The following FAM222B variants were observed in gnomAD, a reference collection of about 807,000 sequenced individuals.
FAM222B encodes family with sequence similarity 222 member B.
A neutral mutation model predicts 38.0 loss-of-function variants in FAM222B; 12 were observed. The ratio of observed to expected loss-of-function variants is 0.32; its 90% CI spans 0.20 to 0.51. The LOEUF (loss-of-function observed/expected upper bound fraction) is 0.51. Among genes scored for constraint, FAM222B ranks in the 20% least tolerant of loss-of-function variants. The pLI is 0.97. For missense variants in FAM222B, 716 were observed against 754.2 expected, an observed-to-expected ratio of 0.95 and a Z score of 0.59; for synonymous variants, 329 against 317.2, an observed-to-expected ratio of 1.04 and a Z score of -0.40.
chr17:28,807,308 G>A (rs969174618), intron 1 of FAM222B, among the ~76,000 whole-genome samples: 5 of 151,858 alleles, frequency 3.3e-5, no homozygotes, highest in East Asian at 1.9e-4. Flanking sequence ...GAGCCACCGC[G>A]CCTGGCAAAT....
chr17:28,803,236 G>A (rs1008927591), intron 1 of FAM222B, among the ~76,000 whole-genome samples: 15 of 152,064 alleles, frequency 9.9e-5, no homozygotes, highest in Non-Finnish European at 5.9e-5. Flanking sequence ...TCGAATGCCT[G>A]ACTTCAAGTG....
rs140311854 is a variant in FAM222B at position 28,799,471 on chromosome 17, T to G, written c.-40-32764A>C. Among the ~76,000 whole-genome samples, 958 of 149,408 alleles carry G rather than the reference T, an allele frequency of 6.4e-3. 9 individuals are homozygous for G. Among genetic ancestry groups the G allele is most frequent in the African/African-American group, 0.021 (851 of 40,622 alleles). On this transcript the variant is annotated intron_variant, in intron 1 of 2. Coordinates refer to ENST00000581407, the MANE Select transcript of FAM222B (RefSeq NM_001077498.3). ...TGCCACCACGACCGGCTAATTTTTT[T>G]TTGTTGTTGTTGTATTTTTAGTAGA...
chr17:28,784,016 T>C (rs1196996325), intron 1 of FAM222B, among the ~76,000 whole-genome samples: 1 of 151,820 alleles, frequency 6.6e-6, no homozygotes, highest in Non-Finnish European at 1.5e-5. Context: ...GCCAGGCTGG[T>C]CTCGAACTCT....
Position 28,759,056 on chromosome 17 carries a change from A to C in FAM222B, c.903T>G (p.Ser301Arg). 1 of 1,612,626 alleles carries C rather than the reference A, an allele frequency of 6.2e-7. No individual in the cohort carries two copies. Among genetic ancestry groups the C allele is most frequent in the African/African-American group, 1.3e-5 (1 of 75,042 alleles). The change falls in exon 3 of 3, where the codon AGT (serine) becomes AGG (arginine). Residue 301 changes from serine (S) to arginine (R), a missense_variant. Physicochemically the swap from Ser to Arg is moderately radical, Grantham distance 110 (BLOSUM62 -1). Coordinates refer to ENST00000581407, the MANE Select transcript of FAM222B (RefSeq NM_001077498.3). The surrounding 1 kb of genome is among the most constrained non-coding windows in gnomAD (Gnocchi z 4.8). ...CCCGGGTGCTTGCATTGATGAGCAG[A>C]CTGCGACTAATGGGGCTGGGGTTGG... is the stretch of plus-strand genomic sequence containing the variant. ...QIANPSPISR[S>R]LLINASTRVS... is the part of the protein sequence containing the mutation.
chr17:28,758,548 G>A lies in FAM222B; in HGVS notation c.1411C>T (p.Leu471Phe), dbSNP rs1378678096. 1.9e-6 allele frequency: 3 copies of A among 1,610,042 alleles called. No homozygotes were observed. The highest frequency in any genetic ancestry group is 2.5e-6 in the Non-Finnish European group (3 of 1,179,854). Reference protein sequence around the residue: ...PNSDSSGSQDLAMPFHGGQPT... With the variant: ...PNSDSSGSQDFAMPFHGGQPT... ...TGCCCACCGTGGAACGGCATGGCAAGGTCCTGAGACCCCGAGCTGTCGCTA... is the reference window on the plus strand; with the variant it reads ...TGCCCACCGTGGAACGGCATGGCAAAGTCCTGAGACCCCGAGCTGTCGCTA... Residue 471 changes from leucine to phenylalanine, a missense_variant, in exon 3 of 3, where the codon CTT (leucine) becomes TTT (phenylalanine). Physicochemically the swap from Leu to Phe is conservative, Grantham distance 22 (BLOSUM62 0). Transcript: ENST00000581407.
chr17:28,850,494 T>A (rs994865351), intron 1 of FAM222B, among the ~76,000 whole-genome samples: 3 of 151,976 alleles, frequency 2.0e-5, no homozygotes, highest in African/African-American at 7.2e-5. Flanking sequence ...GAGACAGAGT[T>A]TCACCGTGTT....
At chr17:28,767,758 G>C (rs950002852) in intron 1 of FAM222B, among the ~76,000 whole-genome samples, 4 of 152,200 alleles carry the variant, frequency 2.6e-5, no homozygotes, top group African/African-American at 9.7e-5. Flanking sequence ...TTACAGTCAT[G>C]AGCCACCGCA....
intron 1 of FAM222B, among the ~76,000 whole-genome samples, chr17:28,776,292 G>T (rs985641917): frequency 2.1e-5 from 3 of 145,614 alleles, no homozygotes; most frequent in Non-Finnish European, 4.5e-5. Context: ...CAGGAGAATG[G>T]TGTGAACCCA....
chr17:28,810,537 T>C (rs2037712434), intron 1 of FAM222B, among the ~76,000 whole-genome samples: 1 of 148,498 alleles, frequency 6.7e-6, no homozygotes, highest in African/African-American at 2.5e-5. Flanking sequence ...CTGTTTTATA[T>C]ACTAGCTAAC....
intron 1 of FAM222B, among the ~76,000 whole-genome samples, chr17:28,832,804 T>C (rs549066848): frequency 1.3e-5 from 2 of 151,332 alleles, no homozygotes; most frequent in Non-Finnish European, 2.9e-5. Context: ...GGGGGAGAAG[T>C]TGAAAATAGG....
chr17:28,782,278 C>T (rs1323119575), intron 1 of FAM222B, among the ~76,000 whole-genome samples: 2 of 152,052 alleles, frequency 1.3e-5, no homozygotes, highest in Non-Finnish European at 1.5e-5. Flanking sequence ...GTTATGAATG[C>T]ACCACTGCAC....
At chr17:28,822,846 T>TAC (rs1260953917) in intron 1 of FAM222B, among the ~76,000 whole-genome samples, 3 of 87,042 alleles carry the variant, frequency 3.4e-5, no homozygotes, top group Non-Finnish European at 6.0e-5. Flanking sequence ...TATATATATA[T>TAC]ATATATATAT....
At chr17:28,845,326 C>T (rs931975480), upstream of FAM222B, among the ~76,000 whole-genome samples, 90 of 150,316 alleles carry the variant, frequency 6.0e-4, no homozygotes, top group Admixed American at 2.0e-3. Context: ...GCGTGAAGCC[C>T]GGAGGCAGAG....
upstream of FAM222B, among the ~76,000 whole-genome samples, chr17:28,846,013 C>T (rs2039143027): frequency 2.0e-5 from 3 of 151,030 alleles, no homozygotes; most frequent in South Asian, 6.3e-4. Flanking sequence ...ACCATCCTGG[C>T]TAACACGGTG....
chr17:28,786,059 C>T (rs1212078315), intron 1 of FAM222B, among the ~76,000 whole-genome samples: 2 of 151,680 alleles, frequency 1.3e-5, no homozygotes, highest in South Asian at 2.1e-4. Context: ...GTCTCGATCT[C>T]CTCACCTCGT....
chr17:28,854,932 CA>C, intron 1 of FAM222B: 1 of 1,351,712 alleles, frequency 7.4e-7, no homozygotes, highest in Non-Finnish European at 9.9e-7. Context: ...TCTCGGCTTT[CA>C]ATTTGGGCAG....
rs781248991 is a variant in FAM222B, at chr17:28,758,824, C to T, written c.1135G>A (p.Glu379Lys). ...CCAGGGGCTGGCGTCCCACTAGCCT[C>T]GCTGCACATCTGCTGTAGGTGGGCC... ...QLAHLQQMCS[E>K]ASGTPAPGLT... Residue 379 changes from glutamate to lysine, a missense_variant, in exon 3 of 3, where the codon GAG becomes AAG. Physicochemically the swap from Glu to Lys is moderately conservative, Grantham distance 56. Coordinates refer to ENST00000581407, the MANE Select transcript of FAM222B (RefSeq NM_001077498.3). 9.4e-6 allele frequency: 15 copies of T among 1,591,708 alleles called. No homozygotes were observed. Among genetic ancestry groups the T allele is most frequent in the Admixed American group, 3.5e-5 (2 of 56,624 alleles).
chr17:28,828,267 A>G (rs894193818), intron 1 of FAM222B, among the ~76,000 whole-genome samples: 2 of 151,500 alleles, frequency 1.3e-5, no homozygotes, highest in African/African-American at 2.4e-5. Flanking sequence ...ACCTTGTCTC[A>G]AAAAAACAAA....
intron 1 of FAM222B, among the ~76,000 whole-genome samples, chr17:28,791,851 G>T (rs2036704841): frequency 6.6e-6 from 1 of 150,872 alleles, no homozygotes; most frequent in South Asian, 2.1e-4. Flanking sequence ...GTAGAGACTG[G>T]GTTTCACCAT....
Sources: gnomAD v4.1 joint callset for allele counts (sites outside exome capture counted in the v4.1 genomes callset) on GRCh38, gnomAD v4.1.1 for gene constraint, Gnocchi (gnomAD v3.1) non-coding constraint, MANE v1.5 for transcripts, NCBI Gene and HGNC (gene_info 2026-07-23, HGNC 2026-07-21) for gene names.